RFX3: variants seen among roughly 807,000 people sequenced by gnomAD.
RFX3 encodes the protein regulatory factor X3.
In RFX3, 14 loss-of-function variants were observed where a neutral mutation model predicts 98.6. The observed-to-expected ratio is 0.14, with a 90% CI of 0.09 to 0.22. RFX3 has a LOEUF of 0.22. Among genes scored for constraint, RFX3 ranks in the 10% least tolerant of loss-of-function variants. The probability of loss-of-function intolerance (pLI) is 1.00; values close to 1 mark genes in which losing one functional copy is unlikely to be tolerated. For missense variants in RFX3, 639 were observed against 926.9 expected (o/e 0.69, Z 4.03); for synonymous variants, 383 against 328.4 (o/e 1.17, Z -1.80).
At chr9:3,457,229 T>C (rs1000560870) in intron 1 of RFX3, among the ~76,000 whole-genome samples, 1 of 150,688 alleles carries the variant, frequency 6.6e-6, no homozygotes, top group East Asian at 2.0e-4. Flanking sequence ...AGGAGAATTC[T>C]ACCTTTTCCT....
chr9:3,280,815 T>G (rs1825831378), intron 7 of RFX3, among the ~76,000 whole-genome samples: 1 of 151,784 alleles, frequency 6.6e-6, no homozygotes, highest in South Asian at 2.1e-4. Context: ...CTTAAGTAGG[T>G]AGTACAGCCT....
chr9:3,523,229 G>C (rs189464704), intron 1 of RFX3, among the ~76,000 whole-genome samples: 41 of 152,196 alleles, frequency 2.7e-4, no homozygotes, highest in African/African-American at 9.6e-4. Flanking sequence ...TAGTTTCAAA[G>C]CATGATCACT....
chr9:3,360,885 G>A (rs982233832), intron 2 of RFX3, among the ~76,000 whole-genome samples: 21 of 152,138 alleles, frequency 1.4e-4, no homozygotes, highest in Admixed American at 1.2e-3. Flanking sequence ...AATAGTAAAT[G>A]AGTTCATTTA....
At chr9:3,512,075 C>T (rs1195257049) in intron 1 of RFX3, among the ~76,000 whole-genome samples, 1 of 151,986 alleles carries the variant, frequency 6.6e-6, no homozygotes, top group Non-Finnish European at 1.5e-5. Flanking sequence ...ATACCCTTAA[C>T]ATGTACCCAT....
chr9:3,373,221 T>G (rs1838060096), intron 2 of RFX3, among the ~76,000 whole-genome samples: 2 of 152,142 alleles, frequency 1.3e-5, no homozygotes, highest in African/African-American at 2.4e-5. Flanking sequence ...AGAGAATGGA[T>G]GAGGGAATAA....
At chr9:3,315,538 G>A (rs1262492553) in intron 4 of RFX3, among the ~76,000 whole-genome samples, 1 of 150,360 alleles carries the variant, frequency 6.7e-6, no homozygotes, top group Admixed American at 6.6e-5. Context: ...CAGAACTGAA[G>A]GAGATAGACA....
chr9:3,491,885 T>G (rs1850747790), intron 1 of RFX3, among the ~76,000 whole-genome samples: 1 of 152,176 alleles, frequency 6.6e-6, no homozygotes, highest in African/African-American at 2.4e-5. Flanking sequence ...ATACAAAAAT[T>G]AAATATATAA....
chr9:3,407,456 T>C (rs893041593), intron 1 of RFX3, among the ~76,000 whole-genome samples: 1 of 152,134 alleles, frequency 6.6e-6, no homozygotes, highest in African/African-American at 2.4e-5. Flanking sequence ...ACTTAAATAA[T>C]TCCATCAGCA....
chr9:3,429,686 C>T (rs1482160403), intron 1 of RFX3, among the ~76,000 whole-genome samples: 1 of 152,130 alleles, frequency 6.6e-6, no homozygotes, highest in East Asian at 1.9e-4. Context: ...TTTGGGCAGG[C>T]CGATAATTAA....
chr9:3,276,677 A>G (rs1825268164), intron 8 of RFX3, among the ~76,000 whole-genome samples: 1 of 152,036 alleles, frequency 6.6e-6, no homozygotes, highest in Admixed American at 6.6e-5. Context: ...ATACACACAC[A>G]CAGACACATA....
At chr9:3,289,554 C>A (rs1414055715) in intron 6 of RFX3, among the ~76,000 whole-genome samples, 1 of 152,108 alleles carries the variant, frequency 6.6e-6, no homozygotes, top group East Asian at 1.9e-4. Context: ...CGGTAGGAAG[C>A]AGGAGACATT....
chr9:3,407,279 C>T (rs772464597), intron 1 of RFX3, among the ~76,000 whole-genome samples: 8 of 152,116 alleles, frequency 5.3e-5, no homozygotes, highest in Non-Finnish European at 8.8e-5. Flanking sequence ...TTCTAAGAAG[C>T]CTCTAGTTAC....
At chr9:3,252,658 T>C (rs191702215) in intron 14 of RFX3, among the ~76,000 whole-genome samples, 1 of 152,244 alleles carries the variant, frequency 6.6e-6, no homozygotes, top group East Asian at 1.9e-4. Context: ...ATGACTCTAG[T>C]GGCTGGACTG....
At chr9:3,463,222 T>C (rs1303075584) in intron 1 of RFX3, among the ~76,000 whole-genome samples, 1 of 152,134 alleles carries the variant, frequency 6.6e-6, no homozygotes, top group Non-Finnish European at 1.5e-5. Flanking sequence ...AACCCACACA[T>C]ATATATGGTC....
chr9:3,280,984 G>A (rs777126962), intron 7 of RFX3, among the ~76,000 whole-genome samples: 1 of 151,580 alleles, frequency 6.6e-6, no homozygotes, highest in South Asian at 2.1e-4. Flanking sequence ...AAATATATTT[G>A]AATGAATAAA....
chr9:3,325,493 T>C (rs934214453), intron 4 of RFX3, among the ~76,000 whole-genome samples: 2 of 152,226 alleles, frequency 1.3e-5, no homozygotes, highest in South Asian at 4.1e-4. Context: ...TGGGATCTAA[T>C]GTTAGCAACA....
At chr9:3,329,407 C>CAAAAAAAAAAAAAAAAAAAAA (rs1202028884) in intron 4 of RFX3, among the ~76,000 whole-genome samples, 21 of 38,132 alleles carry the variant, frequency 5.5e-4, no homozygotes, top group Non-Finnish European at 8.5e-4. Flanking sequence ...GACTTCATCT[C>CAAAAAAAAAAAAAAAAAAAAA]AAAAAAAAAA....
Position 3,262,895 on chromosome 9 carries a change from T to A in RFX3, c.1605+40A>T, listed in dbSNP as rs143805580. ...CCAATTAAGAAGAACAAATTGGGTA[T>A]CTTTCCTTAAGAGACATGCTTTGCA... On this transcript the variant is annotated intron_variant, in intron 13 of 16. Transcript: ENST00000617270. 30 of 1,598,600 alleles carry A rather than the reference T, an allele frequency of 1.9e-5. No homozygotes were observed. In the African/African-American group the frequency reaches 3.6e-4, roughly 19 times the overall value.
At chr9:3,383,211 T>A (rs1329975636) in intron 2 of RFX3, among the ~76,000 whole-genome samples, 1 of 152,098 alleles carries the variant, frequency 6.6e-6, no homozygotes, top group Non-Finnish European at 1.5e-5. Context: ...AGAGTCTGAG[T>A]TTAGGTAGGG....
Sources: allele counts gnomAD v4.1 joint callset (sites outside exome capture counted in the v4.1 genomes callset), GRCh38; gene constraint gnomAD v4.1.1; transcripts MANE v1.5; gene names NCBI Gene and HGNC (gene_info 2026-07-23, HGNC 2026-07-21).